SDHAF4: variants seen among roughly 807,000 people sequenced by gnomAD.
The protein encoded by SDHAF4 is succinate dehydrogenase complex assembly factor 4, also known as succinate dehydrogenase assembly factor 4, mitochondrial.
A neutral mutation model predicts 14.3 loss-of-function variants in SDHAF4; 14 were observed. That is an observed-to-expected ratio of 0.98 (90% CI 0.65 to 1.53). The LOEUF is 1.53. Ranked by LOEUF, SDHAF4 falls within the 40% of genes most tolerant of loss-of-function variation. SDHAF4 has a pLI of 0.00. For missense variants in SDHAF4, 141 were observed against 129.3 expected (o/e 1.09, Z -0.44); for synonymous variants, 63 against 47.3 (o/e 1.33, Z -1.36).
At chr6:70,582,158 A>G (rs1581930577) in intron 2 of SDHAF4, among the ~76,000 whole-genome samples, 1 of 151,632 alleles carries the variant, frequency 6.6e-6, no homozygotes, top group South Asian at 2.1e-4. Flanking sequence ...TGCACCCTCA[A>G]CCTCCTGGGG....
chr6:70,571,975 T>C (rs1451055592), intron 1 of SDHAF4, among the ~76,000 whole-genome samples: 1 of 151,800 alleles, frequency 6.6e-6, no homozygotes, highest in Non-Finnish European at 1.5e-5. Context: ...ACTCTCTTTT[T>C]CTCATATTAT....
Position 70,579,412 on chromosome 6 carries a change from A to T in SDHAF4, c.65-2A>T, listed in dbSNP as rs1287444844. On this transcript the variant is annotated splice_acceptor_variant, in intron 1 of 2. Coordinates refer to ENST00000370474, the MANE Select transcript of SDHAF4 (RefSeq NM_145267.3). LOFTEE classifies it high-confidence loss of function. ...ATTTTTCTATTATCTCCACTCTTCTAGGATCACCCCTTCTGTGTCATTCTC... is the reference window on the plus strand; with the variant it reads ...ATTTTTCTATTATCTCCACTCTTCTTGGATCACCCCTTCTGTGTCATTCTC... The T allele has an allele frequency of 1.8e-5, 29 of 1,578,462 alleles. No homozygotes were observed. The highest frequency in any genetic ancestry group is 2.5e-5 in the Non-Finnish European group (29 of 1,162,938).
intron 1 of SDHAF4, among the ~76,000 whole-genome samples, chr6:70,569,263 C>T (rs1335582795): frequency 6.6e-6 from 1 of 151,454 alleles, no homozygotes; most frequent in Non-Finnish European, 1.5e-5. Context: ...CGCACCCGGC[C>T]TCTTTTTTCT....
At chr6:70,581,175 C>T (rs908576206) in intron 2 of SDHAF4, among the ~76,000 whole-genome samples, 1 of 150,996 alleles carries the variant, frequency 6.6e-6, no homozygotes, top group African/African-American at 2.4e-5. Flanking sequence ...AGTGACCAAC[C>T]CCCCTCGGCC....
chr6:70,593,394 T>C (rs2128537082), downstream of SDHAF4, among the ~76,000 whole-genome samples: 1 of 152,078 alleles, frequency 6.6e-6, no homozygotes, highest in South Asian at 2.1e-4. Flanking sequence ...CAATGCTGAG[T>C]GGAAATGTGG....
chr6:70,588,679 C>G lies in SDHAF4; in HGVS notation c.282C>G (p.Thr94=), dbSNP rs1765230146. 17 of 1,605,534 alleles carry G rather than the reference C, an allele frequency of 1.1e-5. No homozygotes were observed. The highest frequency in any genetic ancestry group is 1.4e-5 in the Non-Finnish European group (17 of 1,174,408). ...GTGGACCCAGGGGCCCAGAACCTACCCGATATGGAGATTGGGAACGAAAAG... is the reference window on the plus strand; with the variant it reads ...GTGGACCCAGGGGCCCAGAACCTACGCGATATGGAGATTGGGAACGAAAAG... ...EKGGPRGPEP[T]RYGDWERKGR... The change falls in exon 3 of 3, where the codon ACC becomes ACG. Residue 94 remains threonine, a synonymous_variant. Transcript: ENST00000370474.
At chr6:70,597,299 A>ATTTTTTTTTTTTTTTTTTTTTTTT in the SDHAF4 span, among the ~76,000 whole-genome samples, 3 of 108,100 alleles carry the variant, frequency 2.8e-5, no homozygotes, top group Non-Finnish European at 1.8e-5. Flanking sequence ...CGCCTGGCTA[A>ATTTTTTTTTTTTTTTTTTTTTTTT]TTTTTTTTTT....
chr6:70,586,563 G>C (rs933459393), intron 2 of SDHAF4, among the ~76,000 whole-genome samples: 1 of 150,544 alleles, frequency 6.6e-6, no homozygotes, highest in African/African-American at 2.4e-5. Flanking sequence ...CAGAGTAATA[G>C]TGGAATAAAT....
chr6:70,597,299 A>ATTTTTTTTTT, the SDHAF4 span, among the ~76,000 whole-genome samples: 196 of 108,038 alleles, frequency 1.8e-3, 1 homozygote, highest in African/African-American at 5.1e-3. Flanking sequence ...CGCCTGGCTA[A>ATTTTTTTTTT]TTTTTTTTTT....
rs70990317 is a variant in SDHAF4 at position 70,588,842 on chromosome 6, A to AATATATATATATATATATATATATATAT, written c.*132_*133insATATATATATATATATATATATATATAT. ...TCGTGTAGTTTGTATAATGTGTTTA[A>AATATATATATATATATATATATATATAT]ATATATATATATATGATGGCTTTGG... is the stretch of plus-strand genomic sequence containing the variant. On this transcript the variant is annotated 3_prime_UTR_variant, in exon 3 of 3. Transcript: ENST00000370474. 1.4e-3 allele frequency: 481 copies of AATATATATATATATATATATATATATAT among 342,866 alleles called. 8 individuals carry two copies. The highest frequency in any genetic ancestry group is 2.7e-3 in the African/African-American group (114 of 42,904). 21.2% of individuals were successfully genotyped at this position (342,866 alleles called of 1,614,324 possible). A position where few individuals can be genotyped will look rare whatever the true frequency, so the allele number is the denominator to read the frequency against.
chr6:70,588,842 A>AATCTATAT lies in SDHAF4; in HGVS notation c.*120_*121insCTATATAT. 1 of 339,216 alleles carries AATCTATAT rather than the reference A, an allele frequency of 2.9e-6. No homozygotes were observed. The highest frequency in any genetic ancestry group is 5.5e-6 in the Non-Finnish European group (1 of 181,986). The allele number at this position is 339,216 out of a possible 1,614,324, so 21.0% of individuals were successfully genotyped here. Reference sequence around the variant, plus strand: ...TCGTGTAGTTTGTATAATGTGTTTAAATATATATATATATGATGGCTTTGG... The same window carrying AATCTATAT: ...TCGTGTAGTTTGTATAATGTGTTTAAATCTATATATATATATATATATGATGGCTTTGG... On this transcript the variant is annotated 3_prime_UTR_variant, in exon 3 of 3. Coordinates refer to ENST00000370474, the MANE Select transcript of SDHAF4 (RefSeq NM_145267.3).
At chr6:70,585,015 A>G (rs2128535906) in intron 2 of SDHAF4, among the ~76,000 whole-genome samples, 1 of 152,216 alleles carries the variant, frequency 6.6e-6, no homozygotes, top group East Asian at 1.9e-4. Flanking sequence ...GAAAGGCTAT[A>G]GAGGTGTGGC....
Position 70,566,958 on chromosome 6 carries a change from TC to T in SDHAF4, c.21del (p.Trp8GlyfsTer23). On this transcript the variant is annotated frameshift_variant, in exon 1 of 3. Coordinates refer to ENST00000370474, the MANE Select transcript of SDHAF4 (RefSeq NM_145267.3). LOFTEE classifies it high-confidence loss of function. MTPSRL[P>X]WLLSWVSATA... ...TCGGCGCCATGACCCCATCGAGGCT[TC>T]CCTGGTTGCTTAGCTGGGTCTCGGC... The T allele has an allele frequency of 6.3e-7, 1 of 1,591,270 alleles. No individual in the cohort carries two copies.
At chr6:70,575,494 AAG>A (rs1491478439) in intron 1 of SDHAF4, among the ~76,000 whole-genome samples, 2 of 151,878 alleles carry the variant, frequency 1.3e-5, no homozygotes, top group Non-Finnish European at 2.9e-5. Flanking sequence ...AAAAAAAAAA[AAG>A]ACGCAATAAG....
At chr6:70,575,814 C>T (rs1802248439) in intron 1 of SDHAF4, among the ~76,000 whole-genome samples, 1 of 151,102 alleles carries the variant, frequency 6.6e-6, no homozygotes, top group African/African-American at 2.5e-5. Flanking sequence ...AAACACAATT[C>T]TAAATAGGTT....
At chr6:70,589,716 A>C (rs1765242005), downstream of SDHAF4, 1 of 152,182 alleles carries the variant, frequency 6.6e-6, no homozygotes, top group Admixed American at 6.5e-5. Flanking sequence ...TTGGGTTCAA[A>C]TTCTGACTCT....
the SDHAF4 span, among the ~76,000 whole-genome samples, chr6:70,595,680 G>C: frequency 3.3e-5 from 5 of 152,000 alleles, no homozygotes; most frequent in Non-Finnish European, 5.9e-5. Flanking sequence ...TCAGGAGTTT[G>C]AGACAAATAG....
downstream of SDHAF4, among the ~76,000 whole-genome samples, chr6:70,590,675 T>G (rs1765249981): frequency 6.6e-6 from 1 of 152,336 alleles, no homozygotes; most frequent in African/African-American, 2.4e-5. Flanking sequence ...TGCCTGGAAT[T>G]TTCTGCTCTT....
At chr6:70,588,511 C>T (rs986262137) in intron 2 of SDHAF4, 104 bp from the exon 3 acceptor site, 5 of 504,068 alleles carry the variant, frequency 9.9e-6, no homozygotes, top group Non-Finnish European at 1.7e-5. Flanking sequence ...CAGAGGGAGA[C>T]TCTGTCTCAA....
Sources: allele counts gnomAD v4.1 joint callset (sites outside exome capture counted in the v4.1 genomes callset), GRCh38; gene constraint gnomAD v4.1.1; transcripts MANE v1.5; gene names NCBI Gene and HGNC (gene_info 2026-07-23, HGNC 2026-07-21).